Variants in CREB3L1 observed in about 807,000 individuals in gnomAD.
The protein encoded by CREB3L1 is cAMP responsive element binding protein 3 like 1.
Under a neutral mutation model 54.5 loss-of-function variants are expected in CREB3L1, and 33 were observed. The observed-to-expected ratio is 0.61, with a 90% CI of 0.46 to 0.81. CREB3L1 has a LOEUF of 0.81. Among genes scored for constraint, CREB3L1 ranks in the 30% least tolerant of loss-of-function variants. CREB3L1 has a pLI of 0.00. For missense variants in CREB3L1, 656 were observed against 673.3 expected, an observed-to-expected ratio of 0.97 and a Z score of 0.29; for synonymous variants, 284 against 286.4, an observed-to-expected ratio of 0.99 and a Z score of 0.08.
At position 46,278,510 on chromosome 11, in the gene CREB3L1, C is replaced by T. The variant is rs1437806665; in HGVS notation, c.102+297C>T. Among the ~76,000 whole-genome samples, 1 of 152,214 alleles carries T rather than the reference C, an allele frequency of 6.6e-6. No individual in the cohort carries two copies. The highest frequency in any genetic ancestry group is 1.5e-5 in the Non-Finnish European group (1 of 68,032). On this transcript the variant is annotated intron_variant, in intron 1 of 11. Coordinates refer to ENST00000621158, the MANE Select transcript of CREB3L1 (RefSeq NM_052854.4). The surrounding 1 kb of genome is among the most constrained non-coding windows in gnomAD (Gnocchi z 4.2). ...CCCGCCCTCCACCCACGTCTTCTAG[C>T]CGTCCCCAACCCACCCCAGGTTCCA...
At chr11:46,313,599 T>C (rs1327861964) in intron 8 of CREB3L1, among the ~76,000 whole-genome samples, 1 of 151,706 alleles carries the variant, frequency 6.6e-6, no homozygotes, top group Non-Finnish European at 1.5e-5. Flanking sequence ...GGGAGAAGAA[T>C]CACTTGAATC....
intron 1 of CREB3L1, among the ~76,000 whole-genome samples, chr11:46,294,447 C>T (rs555946967): frequency 9.9e-5 from 15 of 152,284 alleles, no homozygotes; most frequent in Non-Finnish European, 1.6e-4. Context: ...CTGTCAACCG[C>T]GCTTCCATAA....
intron 1 of CREB3L1, 136 bp from the exon 2 acceptor site, chr11:46,299,799 T>C: frequency 1.5e-6 from 1 of 667,948 alleles, no homozygotes. Flanking sequence ...CTGATATTAA[T>C]GGGAATGGGC....
At chr11:46,304,210 C>T (rs899420685) in intron 2 of CREB3L1, among the ~76,000 whole-genome samples, 2 of 152,120 alleles carry the variant, frequency 1.3e-5, no homozygotes, top group Admixed American at 6.6e-5. Context: ...GCGTGACTCA[C>T]GCCTGTAATC....
chr11:46,305,886 C>A (rs575623005), intron 2 of CREB3L1, among the ~76,000 whole-genome samples: 90 of 150,998 alleles, frequency 6.0e-4, no homozygotes, highest in African/African-American at 2.2e-3. Context: ...TACAGGCGCC[C>A]GCCACCATGC....
intron 2 of CREB3L1, among the ~76,000 whole-genome samples, 186 bp downstream of exon 2, chr11:46,300,349 G>A (rs1342544029): frequency 2.0e-5 from 3 of 152,250 alleles, no homozygotes; most frequent in African/African-American, 7.2e-5. Flanking sequence ...AGCCAGAGGA[G>A]CACTTCTCAA....
chr11:46,315,383 A>C (rs1939552724), intron 8 of CREB3L1: 1 of 216,218 alleles, frequency 4.6e-6, no homozygotes, highest in Middle Eastern at 1.4e-3. Context: ...ACATTTGCCC[A>C]CCAAGCCTGT....
rs150102633 is a variant in CREB3L1 at position 46,299,748 on chromosome 11, T to C, written c.103-187T>C. The stretch of plus-strand genomic sequence containing the variant: ...ACGGTCATGATGGAAATGATGAGAG[T>C]TGGTGTTGCAATGTTGGTACTGGGG... On this transcript the variant is annotated intron_variant, in intron 1 of 11. Coordinates refer to ENST00000621158, the MANE Select transcript of CREB3L1 (RefSeq NM_052854.4). Among the ~76,000 whole-genome samples the C allele has an allele frequency of 1.0e-3, 158 of 151,628 alleles. No individual in the cohort carries two copies. The East Asian group carries it at 0.023, about 22-fold the overall frequency.
chr11:46,297,988 T>A (rs1416399787), intron 1 of CREB3L1, among the ~76,000 whole-genome samples: 1 of 152,218 alleles, frequency 6.6e-6, no homozygotes, highest in Non-Finnish European at 1.5e-5. Context: ...TAACAAAATT[T>A]TAGATCCTCA....
At chr11:46,279,493 T>C (rs1938935080) in intron 1 of CREB3L1, among the ~76,000 whole-genome samples, 2 of 152,020 alleles carry the variant, frequency 1.3e-5, no homozygotes, top group African/African-American at 4.8e-5. Flanking sequence ...AAGACAAGGG[T>C]ATAAGGGCAG....
At chr11:46,309,917 G>A (rs929372482) in intron 3 of CREB3L1, 72 bp from the exon 4 acceptor site, 3 of 1,243,406 alleles carry the variant, frequency 2.4e-6, no homozygotes, top group Admixed American at 2.0e-5. Flanking sequence ...GCTTTAGGGA[G>A]GAGGTGGGTA....
rs117975288 is a variant in CREB3L1 at position 46,308,413 on chromosome 11, T to A, written c.516+413T>A. On this transcript the variant is annotated intron_variant, in intron 3 of 11. Transcript: ENST00000621158. ...AAAAAAAAGTGTGCTATATTCCAAT[T>A]GTTTACATTTATGAGATTAATATTT... Among the ~76,000 whole-genome samples, 28 of 152,310 alleles carry A rather than the reference T, an allele frequency of 1.8e-4. 1 individual carries two copies. In the East Asian group the frequency reaches 5.0e-3, roughly 27 times the overall value.
At position 46,308,012 on chromosome 11, in the gene CREB3L1, A is replaced by T; in HGVS notation, c.516+12A>T. ...CCATCCCCCACCAGGTGAGCCTGGG[A>T]ACTGTTTGTAGCGGCTGAGGGAGGG... On this transcript the variant is annotated intron_variant, in intron 3 of 11. Coordinates refer to ENST00000621158, the MANE Select transcript of CREB3L1 (RefSeq NM_052854.4). 1 of 1,516,588 alleles carries T rather than the reference A, an allele frequency of 6.6e-7. No individual in the cohort carries two copies. The highest frequency in any genetic ancestry group is 8.8e-7 in the Non-Finnish European group (1 of 1,131,980). 93.9% of individuals were successfully genotyped at this position (1,516,588 alleles called of 1,614,324 possible). A position where few individuals can be genotyped will look rare whatever the true frequency, so the allele number is the denominator to read the frequency against.
rs543341842 is a variant in CREB3L1 at position 46,295,681 on chromosome 11, T to G, written c.103-4254T>G. Among the ~76,000 whole-genome samples, 5 of 152,296 alleles carry G rather than the reference T, an allele frequency of 3.3e-5. No individual in the cohort carries two copies. The highest frequency in any genetic ancestry group is 9.6e-5 in the African/African-American group (4 of 41,574). ...CAGCCTCCCGCCATTGGCCAGGAGC[T>G]CTGCGGCTCCCACCAGTGAGCAGGC... On this transcript the variant is annotated intron_variant, in intron 1 of 11. Coordinates refer to ENST00000621158, the MANE Select transcript of CREB3L1 (RefSeq NM_052854.4). This position sits in a 1 kb window ranked among gnomAD's most constrained non-coding sequence, Gnocchi z 4.6.
chr11:46,298,225 A>G (rs1010861624), intron 1 of CREB3L1, among the ~76,000 whole-genome samples: 28 of 152,164 alleles, frequency 1.8e-4, no homozygotes, highest in African/African-American at 6.5e-4. Context: ...AGGTTGGGAC[A>G]GGCTCCCAAT....
Position 46,292,087 on chromosome 11 carries a change from G to A in CREB3L1, c.103-7848G>A, listed in dbSNP as rs906284975. Among the ~76,000 whole-genome samples the A allele has an allele frequency of 2.6e-5, 4 of 152,190 alleles. No individual in the cohort carries two copies. In the South Asian group the frequency reaches 6.2e-4, roughly 24 times the overall value. On this transcript the variant is annotated intron_variant, in intron 1 of 11. Transcript: ENST00000621158. ...TATACCCTTAGGCCTGACAGGGTCT[G>A]GGGGGACAGCAATTCCAGCACTGAG...
chr11:46,320,521 C>G lies in CREB3L1; in HGVS notation c.1516C>G (p.His506Asp). The G allele has an allele frequency of 6.9e-7, 1 of 1,446,550 alleles. No homozygotes were observed. The highest frequency in any genetic ancestry group is 9.1e-7 in the Non-Finnish European group (1 of 1,103,742). 89.6% of individuals were successfully genotyped at this position (1,446,550 alleles called of 1,614,324 possible). A position where few individuals can be genotyped will look rare whatever the true frequency, so the allele number is the denominator to read the frequency against. ...PDFSHSKEWF[H>D]DRDLGPNTTI... ...CTTCTCCCACTCCAAGGAGTGGTTCCACGACAGGTGGGGTGTGTGGCCCCT... is the reference window on the plus strand; with the variant it reads ...CTTCTCCCACTCCAAGGAGTGGTTCGACGACAGGTGGGGTGTGTGGCCCCT... Residue 506 changes from histidine to aspartate, a missense_variant, in exon 11 of 12, where the codon CAC becomes GAC. Transcript: ENST00000621158.
chr11:46,286,936 C>T (rs1306113644), intron 1 of CREB3L1, among the ~76,000 whole-genome samples: 1 of 152,238 alleles, frequency 6.6e-6, no homozygotes, highest in African/African-American at 2.4e-5. Flanking sequence ...ATCCACCCCA[C>T]TCTGGGGAGA....
intron 1 of CREB3L1, among the ~76,000 whole-genome samples, chr11:46,293,646 C>T (rs895085967): frequency 2.6e-5 from 4 of 152,224 alleles, no homozygotes; most frequent in African/African-American, 4.8e-5. Flanking sequence ...CCCATGTTGG[C>T]GCTTTCTTCA....
Sources: gnomAD v4.1 joint callset for allele counts (sites outside exome capture counted in the v4.1 genomes callset) on GRCh38, gnomAD v4.1.1 for gene constraint, Gnocchi (gnomAD v3.1) non-coding constraint, MANE v1.5 for transcripts, NCBI Gene and HGNC (gene_info 2026-07-23, HGNC 2026-07-21) for gene names.